The following TGDS variants were observed in gnomAD, a reference collection of about 807,000 sequenced individuals.
TGDS encodes UDP-D-glucose 4,6-dehydratase.
Under a neutral mutation model 52.3 loss-of-function variants are expected in TGDS, and 47 were observed. The observed-to-expected ratio is 0.90, with a 90% confidence interval of 0.71 to 1.15. The LOEUF (loss-of-function observed/expected upper bound fraction) is 1.15, where lower values mean the gene tolerates loss of function less well. Among genes scored for constraint, TGDS ranks in the 50% most tolerant of loss-of-function variants. The pLI is 0.00. For missense variants in TGDS, 375 were observed against 418.4 expected, an observed-to-expected ratio of 0.90 and a Z score of 0.90; for synonymous variants, 115 against 136.9, an observed-to-expected ratio of 0.84 and a Z score of 1.12.
intron 8 of TGDS, 63 bp downstream of exon 8, chr13:94,578,667 A>G (rs575696657): frequency 8.0e-7 from 1 of 1,244,132 alleles, no homozygotes; most frequent in South Asian, 1.3e-5. Context: ...TATTTAAGAA[A>G]GTGTCACCAA....
At chr13:94,586,822 G>A (rs1209744114) in intron 4 of TGDS, among the ~76,000 whole-genome samples, 3 of 144,748 alleles carry the variant, frequency 2.1e-5, no homozygotes, top group East Asian at 2.0e-4. Flanking sequence ...GCAGGGGTGC[G>A]ATCTCAGCTC....
chr13:94,581,474 T>C (rs917197008), intron 5 of TGDS, among the ~76,000 whole-genome samples: 1 of 151,812 alleles, frequency 6.6e-6, no homozygotes, highest in African/African-American at 2.4e-5. Flanking sequence ...GGAGAGGAGG[T>C]CAGAAAGCTA....
intron 1 of TGDS, among the ~76,000 whole-genome samples, chr13:94,595,754 G>A (rs527887954): frequency 6.6e-6 from 1 of 152,218 alleles, no homozygotes; most frequent in South Asian, 2.1e-4. Context: ...CAGTCGGTGA[G>A]CAGCTTAGGG....
chr13:94,585,024 A>G (rs1016788601), intron 4 of TGDS, among the ~76,000 whole-genome samples: 1 of 152,162 alleles, frequency 6.6e-6, no homozygotes, highest in African/African-American at 2.4e-5. Flanking sequence ...TTCCATAACA[A>G]TTAAATCTCA....
At chr13:94,595,941 G>T in intron 1 of TGDS, 110 bp downstream of exon 1, 1 of 1,249,980 alleles carries the variant, frequency 8.0e-7, no homozygotes, top group Non-Finnish European at 1.2e-6. Context: ...CCCCATATCA[G>T]AATAAGGACC....
At chr13:94,591,967 G>A (rs937339596) in intron 3 of TGDS, among the ~76,000 whole-genome samples, 9 of 152,164 alleles carry the variant, frequency 5.9e-5, no homozygotes, top group African/African-American at 2.2e-4. Flanking sequence ...GGAAAGACTA[G>A]GGAGGAACTA....
At chr13:94,580,118 A>G (rs888980125) in intron 6 of TGDS, among the ~76,000 whole-genome samples, 165 bp from the exon 7 acceptor site, 2 of 152,224 alleles carry the variant, frequency 1.3e-5, no homozygotes, top group African/African-American at 2.4e-5. Flanking sequence ...TCTAAAAAGG[A>G]GAGAATAGGA....
intron 4 of TGDS, among the ~76,000 whole-genome samples, chr13:94,588,963 A>T (rs995908110): frequency 1.3e-5 from 2 of 152,236 alleles, no homozygotes; most frequent in Admixed American, 1.3e-4. Context: ...TTGGGGTTAT[A>T]TAAGAATTAA....
Position 94,596,067 on chromosome 13 carries a change from C to G in TGDS, c.70G>C (p.Gly24Arg). The G allele has an allele frequency of 2.5e-6, 4 of 1,614,090 alleles. No homozygotes were observed. Among genetic ancestry groups the G allele is most frequent in the Non-Finnish European group, 3.4e-6 (4 of 1,179,988 alleles). The change falls in exon 1 of 12, where the codon GGC (glycine) becomes CGC (arginine). Residue 24 changes from glycine to arginine, a missense_variant. Physicochemically the swap from Gly to Arg is moderately radical, Grantham distance 125 (BLOSUM62 -2). Transcript: ENST00000261296. Reference protein sequence around the residue: ...GGFAKRVLVTGGAGFIASHMI... With the variant: ...GGFAKRVLVTRGAGFIASHMI... ...ATTACCTACATGAAACCAGCACCGC[C>G]GGTCACCAGGACCCGCTTCGCAAAG...
chr13:94,590,810 G>A (rs772943992), intron 4 of TGDS, 43 bp downstream of exon 4: 8 of 1,459,488 alleles, frequency 5.5e-6, no homozygotes, highest in Middle Eastern at 1.7e-4. Flanking sequence ...CGAGGGCGGG[G>A]AGAGAACTGC....
intron 8 of TGDS, 24 bp downstream of exon 8, chr13:94,578,706 G>A: frequency 6.6e-7 from 1 of 1,512,356 alleles, no homozygotes; most frequent in Non-Finnish European, 9.1e-7. Flanking sequence ...AAAGCATATG[G>A]GTAAAAAGGT....
At chr13:94,593,483 T>G (rs775231060) in intron 2 of TGDS, among the ~76,000 whole-genome samples, 57 of 152,056 alleles carry the variant, frequency 3.7e-4, no homozygotes, top group Non-Finnish European at 7.6e-4. Context: ...AACTAAGATA[T>G]GTCAATTAAA....
At position 94,593,907 on chromosome 13, in the gene TGDS, A is replaced by G; in HGVS notation, c.87T>C (p.Ile29=). 6.4e-7 allele frequency: 1 copy of G among 1,554,692 alleles called. No individual in the cohort carries two copies. Among genetic ancestry groups the G allele is most frequent in the Non-Finnish European group, 8.7e-7 (1 of 1,146,916 alleles). Residue 29 remains isoleucine, a splice_region_variant and synonymous_variant, in exon 2 of 12, where the codon ATT becomes ATC. Transcript: ENST00000261296. ...RVLVTGGAGF[I]ASHMIVSLVE... ...CTAAAGAGACAATCATATGTGATGC[A>G]CTATGGAAAAAAAGTATATCTTGTT...
intron 9 of TGDS, 46 bp from the exon 10 acceptor site, chr13:94,577,475 C>T: frequency 6.8e-7 from 1 of 1,473,228 alleles, no homozygotes; most frequent in Non-Finnish European, 9.1e-7. Context: ...AAAATGAGAT[C>T]AGAGAATAAC....
chr13:94,581,241 G>T, intron 5 of TGDS, 52 bp from the exon 6 acceptor site: 1 of 1,232,664 alleles, frequency 8.1e-7, no homozygotes, highest in Non-Finnish European at 1.1e-6. Context: ...TTTAAGTATA[G>T]AAATCAGAGC....
chr13:94,577,083 A>G (rs1888628827), intron 10 of TGDS, among the ~76,000 whole-genome samples: 1 of 151,576 alleles, frequency 6.6e-6, no homozygotes, highest in South Asian at 2.1e-4. Flanking sequence ...GCCTGGCAAC[A>G]GAGCGAGATT....
chr13:94,579,967 C>T lies in TGDS; in HGVS notation c.556-14G>A. The T allele has an allele frequency of 6.4e-7, 1 of 1,562,576 alleles. No individual in the cohort carries two copies. The highest frequency in any genetic ancestry group is 8.8e-7 in the Non-Finnish European group (1 of 1,138,802). Reference sequence around the variant, plus strand: ...GACAACTGGAAACTTAAAAGAATATCCAACATTAAGGCTTTTAAAAAGGTC... The same window carrying T: ...GACAACTGGAAACTTAAAAGAATATTCAACATTAAGGCTTTTAAAAAGGTC... On this transcript the variant is annotated splice_polypyrimidine_tract_variant and intron_variant, in intron 6 of 11. Transcript: ENST00000261296.
At chr13:94,578,669 T>C in intron 8 of TGDS, 61 bp downstream of exon 8, 2 of 1,257,278 alleles carry the variant, frequency 1.6e-6, no homozygotes, top group South Asian at 1.3e-5. Context: ...TTTAAGAAAG[T>C]GTCACCAAAT....
intron 2 of TGDS, 99 bp from the exon 3 acceptor site, chr13:94,592,408 A>C: frequency 1.1e-6 from 1 of 894,526 alleles, no homozygotes; most frequent in South Asian, 1.8e-5. Flanking sequence ...GTTACTGGTT[A>C]CAATACAAGA....
Sources: allele counts gnomAD v4.1 joint callset (sites outside exome capture counted in the v4.1 genomes callset), GRCh38; gene constraint gnomAD v4.1.1; transcripts MANE v1.5; gene names NCBI Gene and HGNC (gene_info 2026-07-23, HGNC 2026-07-21).